SNTG1: variants seen among roughly 807,000 people sequenced by gnomAD.
SNTG1 encodes the protein syntrophin gamma 1.
Under a neutral mutation model 74.7 loss-of-function variants are expected in SNTG1, and 39 were observed. That is an observed-to-expected ratio of 0.52 (90% CI 0.40 to 0.68). SNTG1 has a LOEUF of 0.68. SNTG1 is among the 30% of genes least tolerant of loss of function. The pLI is 0.00. For synonymous variants in SNTG1, 254 were observed against 217.1 expected (o/e 1.17, Z -1.49); for missense variants, 685 against 609.5 (o/e 1.12, Z -1.30).
At chr8:50,054,300 T>C (rs1819842607) in intron 1 of SNTG1, among the ~76,000 whole-genome samples, 1 of 152,152 alleles carries the variant, frequency 6.6e-6, no homozygotes, top group Non-Finnish European at 1.5e-5. Flanking sequence ...GGGCATTGTT[T>C]GTAAATGTTT....
intron 1 of SNTG1, among the ~76,000 whole-genome samples, chr8:50,169,480 A>G (rs941130722): frequency 2.6e-5 from 4 of 152,206 alleles, no homozygotes; most frequent in African/African-American, 9.6e-5. Context: ...AAATGTATAA[A>G]GACCTAGAAA....
chr8:50,096,732 G>A (rs764877132), intron 1 of SNTG1, among the ~76,000 whole-genome samples: 45 of 152,092 alleles, frequency 3.0e-4, no homozygotes, highest in Non-Finnish European at 4.4e-4. Flanking sequence ...CTTCATGTAA[G>A]TTTGTCTTTG....
At chr8:50,160,748 A>G (rs1348329458) in intron 1 of SNTG1, among the ~76,000 whole-genome samples, 1 of 152,188 alleles carries the variant, frequency 6.6e-6, no homozygotes, top group Non-Finnish European at 1.5e-5. Context: ...TCATACTCAT[A>G]CTTGTATCAG....
intron 4 of SNTG1, among the ~76,000 whole-genome samples, chr8:50,408,897 G>A (rs994101972): frequency 6.6e-6 from 1 of 152,150 alleles, no homozygotes; most frequent in African/African-American, 2.4e-5. Flanking sequence ...GGGACCCCTG[G>A]GAAAAGGCTT....
intron 2 of SNTG1, among the ~76,000 whole-genome samples, chr8:50,296,962 T>C (rs2130623943): frequency 6.6e-6 from 1 of 152,312 alleles, no homozygotes; most frequent in African/African-American, 2.4e-5. Context: ...GATTTGTTGT[T>C]CATCAGTTCA....
intron 17 of SNTG1, among the ~76,000 whole-genome samples, chr8:50,743,577 C>G (rs537174237): frequency 6.6e-6 from 1 of 151,154 alleles, no homozygotes; most frequent in East Asian, 2.0e-4. Context: ...AAATCAGGAA[C>G]AAGAATACTT....
intron 2 of SNTG1, among the ~76,000 whole-genome samples, chr8:50,346,521 G>C (rs757771208): frequency 6.6e-6 from 1 of 152,148 alleles, no homozygotes; most frequent in Admixed American, 6.5e-5. Flanking sequence ...TGGCCTCCTA[G>C]TGTTCACGTT....
intron 1 of SNTG1, among the ~76,000 whole-genome samples, chr8:50,127,351 G>T (rs143523607): frequency 5.3e-5 from 8 of 152,226 alleles, no homozygotes; most frequent in African/African-American, 1.9e-4. Flanking sequence ...CATAATGAAG[G>T]TATGGACTTA....
chr8:50,661,527 C>T (rs1222158713), intron 15 of SNTG1, among the ~76,000 whole-genome samples: 2 of 152,036 alleles, frequency 1.3e-5, no homozygotes, highest in African/African-American at 2.4e-5. Flanking sequence ...TTCTATAAGC[C>T]TTAGTTTACT....
chr8:50,451,395 C>A (rs572553029), intron 8 of SNTG1, among the ~76,000 whole-genome samples: 1 of 152,076 alleles, frequency 6.6e-6, no homozygotes, highest in Non-Finnish European at 1.5e-5. Context: ...CAGTCCCCCA[C>A]AGACAGATTA....
intron 1 of SNTG1, among the ~76,000 whole-genome samples, chr8:50,046,253 T>G (rs1338732451): frequency 6.6e-6 from 1 of 151,960 alleles, no homozygotes; most frequent in Non-Finnish European, 1.5e-5. Flanking sequence ...AGGACTGGAG[T>G]TTTCTGATCT....
intron 1 of SNTG1, among the ~76,000 whole-genome samples, chr8:49,970,531 G>A (rs1442454451): frequency 6.6e-6 from 1 of 152,048 alleles, no homozygotes; most frequent in Admixed American, 6.6e-5. Context: ...ATAATTAATA[G>A]CAAATCACTC....
intron 8 of SNTG1, among the ~76,000 whole-genome samples, chr8:50,495,586 C>G (rs62515746): frequency 6.6e-6 from 1 of 152,194 alleles, no homozygotes; most frequent in African/African-American, 2.4e-5. Context: ...GCTCTATACC[C>G]TACTTTCCAG....
intron 4 of SNTG1, among the ~76,000 whole-genome samples, chr8:50,419,975 A>T (rs1045323826): frequency 1.6e-4 from 24 of 151,792 alleles, no homozygotes; most frequent in African/African-American, 5.8e-4. Context: ...AAAATTACTC[A>T]TTCTGAAAAA....
intron 17 of SNTG1, among the ~76,000 whole-genome samples, chr8:50,725,917 C>T (rs2095498974): frequency 6.6e-6 from 1 of 152,166 alleles, no homozygotes; most frequent in African/African-American, 2.4e-5. Context: ...CCCACGCTTC[C>T]TGAGTGTGAC....
intron 13 of SNTG1, among the ~76,000 whole-genome samples, chr8:50,617,956 AT>A (rs2094896420): frequency 6.6e-6 from 1 of 152,164 alleles, no homozygotes; most frequent in Non-Finnish European, 1.5e-5. Flanking sequence ...GGAGGCAGAA[AT>A]TGGGCATAAG....
In SNTG1 at chr8:50,330,210, A is replaced by G. The variant is rs377278318; in HGVS notation, c.-27-64002A>G. ...AGTTCACATGAGATCTGATGTTTTT[A>G]TAAGGGGGTTTTTCCCCTTTTGCTT... On this transcript the variant is annotated intron_variant, in intron 2 of 18. Coordinates refer to ENST00000642720, the MANE Select transcript of SNTG1 (RefSeq NM_018967.5). Among the ~76,000 whole-genome samples, 7 of 152,202 alleles carry G rather than the reference A, an allele frequency of 4.6e-5. 2 individuals carry two copies. The highest frequency in any genetic ancestry group is 6.5e-5 in the Admixed American group (1 of 15,290).
At chr8:50,553,944 T>G (rs2094441314) in intron 12 of SNTG1, among the ~76,000 whole-genome samples, 1 of 152,148 alleles carries the variant, frequency 6.6e-6, no homozygotes, top group South Asian at 2.1e-4. Context: ...AGTCCGCAAT[T>G]GTTCCATGCG....
At chr8:50,650,912 G>T (rs1217929313) in intron 13 of SNTG1, among the ~76,000 whole-genome samples, 1 of 152,110 alleles carries the variant, frequency 6.6e-6, no homozygotes, top group Non-Finnish European at 1.5e-5. Context: ...TGTGGGCCAG[G>T]CTGGTCTCGA....
Sources: gnomAD v4.1 joint callset for allele counts (sites outside exome capture counted in the v4.1 genomes callset) on GRCh38, gnomAD v4.1.1 for gene constraint, MANE v1.5 for transcripts, NCBI Gene and HGNC (gene_info 2026-07-23, HGNC 2026-07-21) for gene names.